Variants in TNIK observed in about 807,000 individuals in gnomAD.
TNIK encodes the protein TRAF2 and NCK interacting kinase.
A neutral mutation model predicts 191.3 loss-of-function variants in TNIK; 49 were observed. The ratio of observed to expected loss-of-function variants is 0.26; its 90% confidence interval spans 0.20 to 0.32. The LOEUF is 0.32. TNIK is among the 10% of genes least tolerant of loss of function. TNIK has a pLI of 1.00. For synonymous variants in TNIK, 594 were observed against 600.9 expected, an observed-to-expected ratio of 0.99 and a Z score of 0.17; for missense variants, 1,155 against 1,702.3, an observed-to-expected ratio of 0.68 and a Z score of 5.66.
chr3:171,129,023 C>T, intron 15 of TNIK, 145 bp from the exon 16 acceptor site: 1 of 1,303,132 alleles, frequency 7.7e-7, no homozygotes, highest in African/African-American at 1.5e-5. Context: ...CTCTGTGCTG[C>T]ATCAAGAGTT....
chr3:171,098,205 A>G (rs547320092), intron 22 of TNIK, among the ~76,000 whole-genome samples: 23 of 152,322 alleles, frequency 1.5e-4, no homozygotes, highest in Non-Finnish European at 8.8e-5. Context: ...GAGGGAAGAC[A>G]CTAATACCTA....
At chr3:171,294,387 G>C (rs1473941671) in intron 2 of TNIK, among the ~76,000 whole-genome samples, 1 of 152,142 alleles carries the variant, frequency 6.6e-6, no homozygotes, top group Non-Finnish European at 1.5e-5. Flanking sequence ...TCATGCCACT[G>C]CACTGCAGCC....
intron 2 of TNIK, among the ~76,000 whole-genome samples, chr3:171,247,528 G>A (rs892014275): frequency 3.9e-5 from 6 of 152,206 alleles, no homozygotes; most frequent in Admixed American, 3.9e-4. Context: ...GACATAACAA[G>A]GTTTTCGGGG....
rs545485621 is a variant in TNIK at position 171,062,584 on chromosome 3, T to C, written c.*1297A>G. The C allele has an allele frequency of 3.3e-5, 5 of 152,308 alleles. No individual in the cohort carries two copies. Among genetic ancestry groups the C allele is most frequent in the Admixed American group, 3.3e-4 (5 of 15,294 alleles). 9.4% of individuals were successfully genotyped at this position (152,308 alleles called of 1,614,324 possible). A position where few individuals can be genotyped will look rare whatever the true frequency, so the allele number is the denominator to read the frequency against. On this transcript the variant is annotated 3_prime_UTR_variant, in exon 33 of 33. Transcript: ENST00000436636. Reference sequence around the variant, plus strand: ...TACATACATACTTCTGCACAAATGTTGTTTACCGTATGTTGGGTAATTTGG... The same window carrying C: ...TACATACATACTTCTGCACAAATGTCGTTTACCGTATGTTGGGTAATTTGG...
At chr3:171,345,005 C>T (rs1193791114) in intron 2 of TNIK, among the ~76,000 whole-genome samples, 2 of 152,090 alleles carry the variant, frequency 1.3e-5, no homozygotes, top group African/African-American at 4.8e-5. Flanking sequence ...TGTTCCCTAT[C>T]CTTTATAAGA....
chr3:171,251,674 A>AT (rs1363438338), intron 2 of TNIK, among the ~76,000 whole-genome samples: 3 of 152,176 alleles, frequency 2.0e-5, no homozygotes, highest in African/African-American at 7.2e-5. Flanking sequence ...AATGTACCCA[A>AT]TTTTATTTAG....
At chr3:171,296,896 C>T (rs1057174783) in intron 2 of TNIK, among the ~76,000 whole-genome samples, 14 of 152,182 alleles carry the variant, frequency 9.2e-5, no homozygotes, top group Non-Finnish European at 4.4e-5. Context: ...TCTATCTTTA[C>T]TTTCAACTAT....
chr3:171,138,698 A>G (rs1353891927), intron 14 of TNIK, among the ~76,000 whole-genome samples: 1 of 152,196 alleles, frequency 6.6e-6, no homozygotes, highest in Non-Finnish European at 1.5e-5. Context: ...GAGGACATTT[A>G]AATGGTCGGC....
At chr3:171,341,613 G>A (rs1376962877) in intron 2 of TNIK, among the ~76,000 whole-genome samples, 1 of 151,124 alleles carries the variant, frequency 6.6e-6, no homozygotes, top group Non-Finnish European at 1.5e-5. Flanking sequence ...TGCAGATGTG[G>A]CAGAAAGCCC....
Position 171,156,272 on chromosome 3 carries a change from G to T in TNIK, c.1221+1188C>A, listed in dbSNP as rs75653772. Among the ~76,000 whole-genome samples, 4 of 152,298 alleles carry T rather than the reference G, an allele frequency of 2.6e-5. No individual in the cohort carries two copies. The East Asian group carries it at 7.7e-4, about 29-fold the overall frequency. On this transcript the variant is annotated intron_variant, in intron 12 of 32. Coordinates refer to ENST00000436636, the MANE Select transcript of TNIK (RefSeq NM_015028.4). ...ACTGATATTTGAAGGACATAATGAG[G>T]TTGATGGGATTTGCTGCAAACTGGA...
At chr3:171,182,433 T>G (rs558279936) in intron 7 of TNIK, among the ~76,000 whole-genome samples, 2 of 151,998 alleles carry the variant, frequency 1.3e-5, no homozygotes, top group Admixed American at 6.6e-5. Flanking sequence ...CAAGGGAAGA[T>G]GGAAGAACAA....
Position 171,310,127 on chromosome 3 carries a change from A to T in TNIK, c.123+59493T>A, listed in dbSNP as rs1577430401. 2.0e-5 allele frequency among the ~76,000 whole-genome samples: 3 copies of T among 152,078 alleles called. No individual in the cohort carries two copies. In the South Asian group the frequency reaches 6.2e-4, roughly 32 times the overall value. On this transcript the variant is annotated intron_variant, in intron 2 of 32. Transcript: ENST00000436636. ...TATAACATACCTACTTTTTTAAAAAATTGAAATGATCCATGATAAAAGACA... is the reference window on the plus strand; with the variant it reads ...TATAACATACCTACTTTTTTAAAAATTTGAAATGATCCATGATAAAAGACA...
chr3:171,147,910 A>G (rs533433202), intron 12 of TNIK, among the ~76,000 whole-genome samples: 2 of 152,290 alleles, frequency 1.3e-5, no homozygotes, highest in South Asian at 4.1e-4. Flanking sequence ...AGTAAAAGAT[A>G]CTGTCTAATG....
chr3:171,358,300 ACTCACAGTTCCACATGGCCGGGGAAGC>A (rs1159655528), intron 2 of TNIK, among the ~76,000 whole-genome samples: 4 of 152,162 alleles, frequency 2.6e-5, no homozygotes, highest in African/African-American at 9.7e-5. Flanking sequence ...GGTTTAATTG[ACTCACAGTTCCACATGGCCGGGGAAGC>A]CTCACAGTCA....
intron 2 of TNIK, among the ~76,000 whole-genome samples, chr3:171,335,780 T>C (rs373674590): frequency 1.8e-4 from 27 of 152,298 alleles, no homozygotes; most frequent in African/African-American, 6.5e-4. Context: ...CCTGGGTAAA[T>C]ACCTGCAAGT....
At chr3:171,310,265 G>A (rs1303055042) in intron 2 of TNIK, among the ~76,000 whole-genome samples, 1 of 152,058 alleles carries the variant, frequency 6.6e-6, no homozygotes, top group African/African-American at 2.4e-5. Flanking sequence ...TCCACAAACA[G>A]TGGGACTGGG....
At chr3:171,334,106 G>A (rs1756708184) in intron 2 of TNIK, among the ~76,000 whole-genome samples, 1 of 152,214 alleles carries the variant, frequency 6.6e-6, no homozygotes, top group African/African-American at 2.4e-5. Context: ...ACTGGACAGT[G>A]GGTGGGGCTG....
chr3:171,446,745 T>C (rs933244668), intron 1 of TNIK, among the ~76,000 whole-genome samples: 2 of 152,230 alleles, frequency 1.3e-5, no homozygotes, highest in Non-Finnish European at 2.9e-5. Context: ...GAATAGTCTC[T>C]ATTCTATCAT....
intron 12 of TNIK, among the ~76,000 whole-genome samples, chr3:171,146,613 G>A (rs1335387162): frequency 2.0e-5 from 3 of 152,140 alleles, no homozygotes; most frequent in Non-Finnish European, 4.4e-5. Context: ...ATATGTGTTT[G>A]ATGGCCGGGC....
Sources: gnomAD v4.1 joint callset for allele counts (sites outside exome capture counted in the v4.1 genomes callset) on GRCh38, gnomAD v4.1.1 for gene constraint, MANE v1.5 for transcripts, NCBI Gene and HGNC (gene_info 2026-07-23, HGNC 2026-07-21) for gene names.